Variants in PPP3CC observed in about 807,000 individuals in gnomAD.
PPP3CC encodes the protein serine/threonine-protein phosphatase 2B catalytic subunit gamma isoform.
PPP3CC carries 35 observed loss-of-function variants against 60.3 expected under a neutral mutation model. The ratio of observed to expected loss-of-function variants is 0.58; its 90% CI spans 0.44 to 0.77. The LOEUF is 0.77. PPP3CC is among the 30% of genes least tolerant of loss of function. The pLI, the probability that PPP3CC is intolerant of heterozygous loss-of-function variation, is 0.00. For missense variants in PPP3CC, 570 were observed against 628.9 expected (o/e 0.91, Z 1.00); for synonymous variants, 206 against 224.3 (o/e 0.92, Z 0.73).
intron 10 of PPP3CC, among the ~76,000 whole-genome samples, chr8:22,529,049 T>C (rs1299778003): frequency 6.6e-6 from 1 of 152,256 alleles, no homozygotes; most frequent in African/African-American, 2.4e-5. Flanking sequence ...ATGCTTGATA[T>C]ATACCAAGTA....
chr8:22,470,718 A>G (rs546099982), intron 1 of PPP3CC, among the ~76,000 whole-genome samples: 1 of 152,350 alleles, frequency 6.6e-6, no homozygotes, highest in African/African-American at 2.4e-5. Context: ...AGATACCGGT[A>G]GACGTTCACT....
intron 11 of PPP3CC, 62 bp from the exon 12 acceptor site, chr8:22,532,859 T>A (rs1007061306): frequency 4.3e-6 from 5 of 1,165,460 alleles, no homozygotes; most frequent in Non-Finnish European, 5.9e-6. Context: ...TCCTTCAATA[T>A]CTTTAAGTTG....
chr8:22,540,649 G>A lies in PPP3CC; in HGVS notation c.1386G>A (p.Arg462=), dbSNP rs771661434. The A allele has an allele frequency of 6.2e-7, 1 of 1,613,866 alleles. No individual in the cohort carries two copies. Among genetic ancestry groups the A allele is most frequent in the East Asian group, 2.2e-5 (1 of 44,888 alleles). The change falls in exon 14 of 14, where the codon CGG becomes CGA. Residue 462 remains arginine (R), a synonymous_variant. Transcript: ENST00000240139. ...GGTTCTCGCTTCAGCACAAGATCCG[G>A]AGTTTTGAAGAAGCGCGAGGTCTGG... ...IRGFSLQHKI[R]SFEEARGLDR...
chr8:22,532,536 C>T (rs1839744570), intron 11 of PPP3CC, among the ~76,000 whole-genome samples: 1 of 152,126 alleles, frequency 6.6e-6, no homozygotes, highest in South Asian at 2.1e-4. Context: ...ACTTTCCAAC[C>T]CGATTGCCTG....
intron 6 of PPP3CC, among the ~76,000 whole-genome samples, chr8:22,515,090 T>G (rs1490281668): frequency 1.3e-5 from 2 of 152,214 alleles, no homozygotes. Flanking sequence ...TGACTGTTTT[T>G]TTCGACCCAT....
chr8:22,460,636 A>G (rs1413204020), intron 1 of PPP3CC, among the ~76,000 whole-genome samples: 3 of 152,106 alleles, frequency 2.0e-5, no homozygotes, highest in African/African-American at 7.2e-5. Flanking sequence ...CCTGGGCAAC[A>G]TGATGACACC....
chr8:22,504,102 GA>G (rs1234268775), intron 4 of PPP3CC, among the ~76,000 whole-genome samples: 1 of 152,040 alleles, frequency 6.6e-6, no homozygotes, highest in Non-Finnish European at 1.5e-5. Context: ...TTATAATGCA[GA>G]GATTTTTTAA....
intron 8 of PPP3CC, 32 bp from the exon 9 acceptor site, chr8:22,527,360 G>T: frequency 6.2e-7 from 1 of 1,610,646 alleles, no homozygotes; most frequent in Non-Finnish European, 8.5e-7. Context: ...ATGTTCCTCT[G>T]TGCCAGATTT....
At chr8:22,536,504 A>ATTTG (rs1839847626) in intron 12 of PPP3CC, among the ~76,000 whole-genome samples, 1 of 152,242 alleles carries the variant, frequency 6.6e-6, no homozygotes, top group Non-Finnish European at 1.5e-5. Context: ...TTATTTGGAA[A>ATTTG]TTTGTTTCTA....
intron 3 of PPP3CC, among the ~76,000 whole-genome samples, chr8:22,496,485 C>CTTTTTTGTTTTTT (rs1838586244): frequency 2.3e-5 from 1 of 43,564 alleles, no homozygotes; most frequent in African/African-American, 9.2e-5. Context: ...GAACTGTAAT[C>CTTTTTTGTTTTTT]TTTTTTTTTT....
intron 3 of PPP3CC, among the ~76,000 whole-genome samples, chr8:22,492,089 TA>T (rs1306869292): frequency 1.3e-5 from 2 of 152,146 alleles, no homozygotes; most frequent in Non-Finnish European, 2.9e-5. Flanking sequence ...CTAGGTGGTA[TA>T]GCCTGCTACA....
At chr8:22,515,215 C>T (rs1046041236) in intron 6 of PPP3CC, among the ~76,000 whole-genome samples, 22 of 152,138 alleles carry the variant, frequency 1.4e-4, no homozygotes, top group Non-Finnish European at 2.2e-4. Flanking sequence ...TAAGTGAGAA[C>T]GTGTGAAGTT....
intron 1 of PPP3CC, among the ~76,000 whole-genome samples, chr8:22,472,981 T>C (rs1246271641): frequency 6.6e-6 from 1 of 152,246 alleles, no homozygotes; most frequent in African/African-American, 2.4e-5. Flanking sequence ...AAACATCATT[T>C]TGTGGCACAC....
At chr8:22,497,119 T>C (rs1472307109) in intron 3 of PPP3CC, among the ~76,000 whole-genome samples, 1 of 152,136 alleles carries the variant, frequency 6.6e-6, no homozygotes, top group Non-Finnish European at 1.5e-5. Flanking sequence ...AACCTCCGCT[T>C]CCCGGGTTCA....
At chr8:22,504,196 T>TG (rs1156654460) in intron 4 of PPP3CC, among the ~76,000 whole-genome samples, 1 of 152,178 alleles carries the variant, frequency 6.6e-6, no homozygotes, top group Non-Finnish European at 1.5e-5. Flanking sequence ...TTGAGGTACA[T>TG]GTGATATTTT....
chr8:22,477,734 A>G (rs547072099), intron 3 of PPP3CC, among the ~76,000 whole-genome samples: 1 of 152,102 alleles, frequency 6.6e-6, no homozygotes, highest in South Asian at 2.1e-4. Flanking sequence ...CAACTCCTGG[A>G]TTCAAGCCAT....
chr8:22,470,083 C>CACAT (rs1339049052), intron 1 of PPP3CC, among the ~76,000 whole-genome samples: 8 of 150,864 alleles, frequency 5.3e-5, no homozygotes, highest in South Asian at 2.1e-4. Context: ...CACACACACA[C>CACAT]ACATACATAT....
chr8:22,534,234 C>T (rs139670279), intron 12 of PPP3CC, among the ~76,000 whole-genome samples: 3 of 150,424 alleles, frequency 2.0e-5, no homozygotes, highest in Non-Finnish European at 4.4e-5. Flanking sequence ...AGTGAGGTAC[C>T]ATTACATACC....
At chr8:22,442,189 A>G (rs183027970) in intron 1 of PPP3CC, among the ~76,000 whole-genome samples, 2 of 152,298 alleles carry the variant, frequency 1.3e-5, no homozygotes, top group Non-Finnish European at 2.9e-5. Flanking sequence ...AACTAAGAAG[A>G]TGGATTACAC....
Sources: allele counts gnomAD v4.1 joint callset (sites outside exome capture counted in the v4.1 genomes callset), GRCh38; gene constraint gnomAD v4.1.1; transcripts MANE v1.5; gene names NCBI Gene and HGNC (gene_info 2026-07-23, HGNC 2026-07-21).